ZSWIM2: variants seen among roughly 807,000 people sequenced by gnomAD.
ZSWIM2 encodes the protein E3 ubiquitin-protein ligase ZSWIM2.
A neutral mutation model predicts 48.4 loss-of-function variants in ZSWIM2; 38 were observed. That is an observed-to-expected ratio of 0.79 (90% CI 0.61 to 1.03). The LOEUF (loss-of-function observed/expected upper bound fraction) is 1.03, where lower values mean the gene tolerates loss of function less well. Ranked by LOEUF, ZSWIM2 falls within the 50% of genes least tolerant of loss-of-function variation. ZSWIM2 has a pLI of 0.00. For missense variants in ZSWIM2, 776 were observed against 730.2 expected (o/e 1.06, Z -0.72); for synonymous variants, 240 against 251.3 (o/e 0.96, Z 0.42).
intron 3 of ZSWIM2, among the ~76,000 whole-genome samples, chr2:186,844,002 C>T (rs1691952758): frequency 6.6e-6 from 1 of 151,640 alleles, no homozygotes; most frequent in African/African-American, 2.4e-5. Context: ...CTAATTATCA[C>T]TTTAATTATT....
intron 2 of ZSWIM2, among the ~76,000 whole-genome samples, chr2:186,846,418 T>A (rs769406336): frequency 7.3e-5 from 11 of 151,702 alleles, no homozygotes; most frequent in Non-Finnish European, 1.5e-4. Flanking sequence ...GTGGAAATTA[T>A]AACCACAATG....
intron 5 of ZSWIM2, among the ~76,000 whole-genome samples, chr2:186,834,627 T>C (rs115968866): frequency 0.029 from 4,344 of 152,036 alleles, 205 homozygotes; most frequent in African/African-American, 0.099. Flanking sequence ...CATGGAAAAA[T>C]TGTCTTCCAA....
At chr2:186,844,025 A>C (rs529711368) in intron 3 of ZSWIM2, among the ~76,000 whole-genome samples, 2 of 151,700 alleles carry the variant, frequency 1.3e-5, no homozygotes, top group East Asian at 3.8e-4. Flanking sequence ...TGAATATCAG[A>C]AACATTTATT....
intron 6 of ZSWIM2, 54 bp downstream of exon 6, chr2:186,833,892 C>T: frequency 1.4e-6 from 2 of 1,405,700 alleles, no homozygotes; most frequent in South Asian, 2.3e-5. Flanking sequence ...ACTGACTTAG[C>T]TCTACAACAG....
intron 5 of ZSWIM2, 140 bp downstream of exon 5, chr2:186,837,166 C>T: frequency 2.4e-6 from 2 of 835,150 alleles, no homozygotes; most frequent in Non-Finnish European, 1.9e-6. Context: ...TCTGTGAGTC[C>T]TAAATAAGCA....
Position 186,838,944 on chromosome 2 carries a change from G to T in ZSWIM2, c.494+15C>A, listed in dbSNP as rs1164522691. On this transcript the variant is annotated intron_variant, in intron 4 of 8. Transcript: ENST00000295131. ...TTTTAATTAGTTTTAAGAATCTAAA[G>T]AAAAAGTACATCACCTGCAAAAGGT... 3 of 1,597,528 alleles carry T rather than the reference G, an allele frequency of 1.9e-6. No homozygotes were observed. The highest frequency in any genetic ancestry group is 2.6e-6 in the Non-Finnish European group (3 of 1,172,550).
At chr2:186,844,690 A>T (rs1691963984) in intron 3 of ZSWIM2, 27 bp downstream of exon 3, 2 of 1,503,536 alleles carry the variant, frequency 1.3e-6, no homozygotes, top group Admixed American at 5.0e-5. Context: ...AAAAAAAAAC[A>T]CAAAAAACCC....
intron 5 of ZSWIM2, among the ~76,000 whole-genome samples, chr2:186,835,312 A>C (rs1445822187): frequency 6.6e-6 from 1 of 152,240 alleles, no homozygotes; most frequent in Non-Finnish European, 1.5e-5. Flanking sequence ...AGAGGATTTT[A>C]AATTACTTGC....
At chr2:186,846,760 C>A (rs956015243) in intron 2 of ZSWIM2, among the ~76,000 whole-genome samples, 1 of 145,766 alleles carries the variant, frequency 6.9e-6, no homozygotes, top group Admixed American at 6.9e-5. Context: ...TAAAAATATA[C>A]CACATTAATA....
At chr2:186,832,155 C>A (rs991788590) in intron 7 of ZSWIM2, among the ~76,000 whole-genome samples, 1 of 151,076 alleles carries the variant, frequency 6.6e-6, no homozygotes, top group Non-Finnish European at 1.5e-5. Flanking sequence ...CATTCTGTTG[C>A]CTCGGTTGGA....
At chr2:186,846,846 A>C (rs1373116541) in intron 2 of ZSWIM2, among the ~76,000 whole-genome samples, 1 of 141,418 alleles carries the variant, frequency 7.1e-6, no homozygotes, top group African/African-American at 2.9e-5. Flanking sequence ...GAACTCAGCC[A>C]TAAAAATTAA....
intron 3 of ZSWIM2, among the ~76,000 whole-genome samples, chr2:186,844,062 A>T (rs1353364589): frequency 1.3e-5 from 2 of 151,664 alleles, no homozygotes; most frequent in African/African-American, 4.8e-5. Flanking sequence ...CAGTTGTTAG[A>T]TGGGTCTAGT....
chr2:186,849,122 G>A lies in ZSWIM2; in HGVS notation c.9C>T (p.Arg3=). The part of the protein sequence containing the change: ML[R]RGYKASERRR... Reference sequence around the variant, plus strand: ...GCCTTTCAGAGGCCTTATAGCCTCGGCGAAGCATGCTGGGTGCGGGCGGAG... The same window carrying A: ...GCCTTTCAGAGGCCTTATAGCCTCGACGAAGCATGCTGGGTGCGGGCGGAG... Residue 3 remains arginine (R), a synonymous_variant, in exon 1 of 9, where the codon CGC becomes CGT. Transcript: ENST00000295131. 6.2e-7 allele frequency: 1 copy of A among 1,610,324 alleles called. No individual in the cohort carries two copies. Among genetic ancestry groups the A allele is most frequent in the Non-Finnish European group, 8.5e-7 (1 of 1,177,576 alleles).
rs776528300 is a variant in ZSWIM2 at position 186,828,803 on chromosome 2, G to A, written c.1096-13C>T. 16 of 1,482,414 alleles carry A rather than the reference G, an allele frequency of 1.1e-5. No homozygotes were observed. Among genetic ancestry groups the A allele is most frequent in the Non-Finnish European group, 1.4e-5 (16 of 1,111,442 alleles). The allele number at this position is 1,482,414 out of a possible 1,614,324, so 91.8% of individuals were successfully genotyped here. A position where few individuals can be genotyped will look rare whatever the true frequency, so the allele number is the denominator to read the frequency against. ...ACTTCCTGTGAAACTTTAAAAAAAA[G>A]GTAAGCTAATCAGAACTATACCAAT... On this transcript the variant is annotated splice_polypyrimidine_tract_variant and intron_variant, in intron 8 of 8. Transcript: ENST00000295131.
At chr2:186,840,376 A>G (rs1223775095) in intron 3 of ZSWIM2, among the ~76,000 whole-genome samples, 2 of 151,766 alleles carry the variant, frequency 1.3e-5, no homozygotes, top group African/African-American at 4.8e-5. Context: ...AATAAAAGGA[A>G]GAAACAAACT....
In ZSWIM2 at chr2:186,839,844, T is replaced by C. The variant is rs76917473; in HGVS notation, c.284-675A>G. On this transcript the variant is annotated intron_variant, in intron 3 of 8. Transcript: ENST00000295131. ...ATGATGTTCTAAGTGCCTATAGTAT[T>C]GATCAGGGAATCCTAGATTCTTCAT... Among the ~76,000 whole-genome samples, 1,456 of 151,708 alleles carry C rather than the reference T, an allele frequency of 9.6e-3. 21 individuals carry two copies. The highest frequency in any genetic ancestry group is 0.034 in the African/African-American group (1,403 of 41,460).
intron 5 of ZSWIM2, among the ~76,000 whole-genome samples, chr2:186,835,562 T>A (rs892179647): frequency 2.6e-5 from 4 of 152,176 alleles, no homozygotes; most frequent in Non-Finnish European, 4.4e-5. Context: ...CATCAAAGTA[T>A]GCTGGGCTAA....
chr2:186,849,032 G>A lies in ZSWIM2; in HGVS notation c.99C>T (p.Leu33=), dbSNP rs771887155. 3.1e-6 allele frequency: 5 copies of A among 1,614,096 alleles called. No homozygotes were observed. The African/African-American group carries it at 4.0e-5, about 13-fold the overall frequency. ...AGCCAGTGGGGCCCATCTCTCGTAG[G>A]AGGTAGATGCTGCTACTCAGCGCCT... ...QDQALSSSIY[L]LREMGPTGFL... The change falls in exon 1 of 9, where the codon CTC becomes CTT. Residue 33 remains leucine (L), a synonymous_variant. Transcript: ENST00000295131.
chr2:186,829,215 T>A (rs544104749), intron 8 of ZSWIM2, among the ~76,000 whole-genome samples: 1 of 152,194 alleles, frequency 6.6e-6, no homozygotes, highest in African/African-American at 2.4e-5. Flanking sequence ...ACTCTAAAGC[T>A]TTATTACTGA....
Sources: allele counts gnomAD v4.1 joint callset (sites outside exome capture counted in the v4.1 genomes callset), GRCh38; gene constraint gnomAD v4.1.1; transcripts MANE v1.5; gene names NCBI Gene and HGNC (gene_info 2026-07-23, HGNC 2026-07-21).